The following CDH12 variants were observed in gnomAD, a reference collection of about 807,000 sequenced individuals.
CDH12 encodes cadherin-12.
CDH12 carries 41 observed loss-of-function variants against 74.1 expected under a neutral mutation model. The ratio of observed to expected loss-of-function variants is 0.55; its 90% confidence interval spans 0.43 to 0.72. The LOEUF is 0.72. Among genes scored for constraint, CDH12 ranks in the 30% least tolerant of loss-of-function variants. CDH12 has a pLI of 0.00. For missense variants in CDH12, 945 were observed against 977.2 expected (o/e 0.97, Z 0.44); for synonymous variants, 399 against 355.0 (o/e 1.12, Z -1.39).
intron 6 of CDH12, among the ~76,000 whole-genome samples, chr5:21,943,955 A>C (rs1430117814): frequency 2.0e-5 from 3 of 152,180 alleles, no homozygotes; most frequent in African/African-American, 7.2e-5. Context: ...TATAAAAAAA[A>C]TAAGAAATTA....
chr5:22,503,762 G>A lies in CDH12; in HGVS notation c.-428+1508C>T, dbSNP rs889460953. On this transcript the variant is annotated intron_variant, in intron 2 of 14. Coordinates refer to ENST00000382254, the MANE Select transcript of CDH12 (RefSeq NM_004061.5). ...AGAGTGAACCAAAGGACATTTGGGA[G>A]GAGTATGAGTCTCTTCTCATTTATC... is the stretch of plus-strand genomic sequence containing the variant. 7.2e-5 allele frequency among the ~76,000 whole-genome samples: 11 copies of A among 152,024 alleles called. No individual in the cohort carries two copies. The East Asian group carries it at 2.1e-3, about 29-fold the overall frequency.
chr5:22,712,930 T>A (rs939649342), intron 1 of CDH12, among the ~76,000 whole-genome samples: 1 of 152,076 alleles, frequency 6.6e-6, no homozygotes, highest in Non-Finnish European at 1.5e-5. Flanking sequence ...AAGTTAGTTT[T>A]AAAATTTCCA....
chr5:21,903,809 A>T (rs1179790092), intron 6 of CDH12, among the ~76,000 whole-genome samples: 3 of 152,336 alleles, frequency 2.0e-5, no homozygotes, highest in South Asian at 2.1e-4. Flanking sequence ...GTAAGGTAAG[A>T]ACACAAATAG....
rs112768021 is a variant in CDH12 at position 22,699,838 on chromosome 5, G to A, written c.-523+153220C>T. ...ATTTAATTCAAAATAGGGATAGTTC[G>A]GTGAATCATATTAATGCCTATTGCT... On this transcript the variant is annotated intron_variant, in intron 1 of 14. Transcript: ENST00000382254. 7.9e-3 allele frequency among the ~76,000 whole-genome samples: 1,195 copies of A among 152,134 alleles called. 21 individuals carry two copies. The highest frequency in any genetic ancestry group is 0.027 in the African/African-American group (1,134 of 41,498).
intron 8 of CDH12, among the ~76,000 whole-genome samples, chr5:21,824,894 C>A (rs180680978): frequency 6.6e-6 from 1 of 152,268 alleles, no homozygotes; most frequent in Admixed American, 6.5e-5. Context: ...TGGCTCAAGT[C>A]TGTAATCCCA....
At chr5:22,190,351 T>C (rs1750198307) in intron 4 of CDH12, among the ~76,000 whole-genome samples, 1 of 89,538 alleles carries the variant, frequency 1.1e-5, no homozygotes, top group East Asian at 2.4e-4. Context: ...CCTCCATCTG[T>C]CTGTCTGTCT....
chr5:21,854,886 A>C, intron 6 of CDH12, 96 bp from the exon 7 acceptor site: 1 of 1,141,084 alleles, frequency 8.8e-7, no homozygotes, highest in Non-Finnish European at 1.3e-6. Context: ...TTGGTATTTG[A>C]CCTACGTCAA....
intron 8 of CDH12, among the ~76,000 whole-genome samples, chr5:21,839,186 C>T (rs1749702986): frequency 6.6e-6 from 1 of 152,108 alleles, no homozygotes; most frequent in Non-Finnish European, 1.5e-5. Context: ...TCATATTAGT[C>T]ACACCATATA....
At chr5:22,688,541 T>A (rs1741927467) in intron 1 of CDH12, among the ~76,000 whole-genome samples, 1 of 152,202 alleles carries the variant, frequency 6.6e-6, no homozygotes, top group Non-Finnish European at 1.5e-5. Context: ...ATGGAACATT[T>A]CTATTATATT....
At chr5:22,048,637 A>G (rs530171375) in intron 5 of CDH12, among the ~76,000 whole-genome samples, 1 of 152,238 alleles carries the variant, frequency 6.6e-6, no homozygotes, top group African/African-American at 2.4e-5. Context: ...TAAAAATATC[A>G]AGTGGGGGTT....
At chr5:22,848,202 G>T (rs1397083985) in intron 1 of CDH12, among the ~76,000 whole-genome samples, 1 of 151,994 alleles carries the variant, frequency 6.6e-6, no homozygotes, top group East Asian at 1.9e-4. Flanking sequence ...AAATATGATG[G>T]CAAAACTTTC....
chr5:22,753,004 G>C (rs1053082805), intron 1 of CDH12, among the ~76,000 whole-genome samples: 1 of 152,100 alleles, frequency 6.6e-6, no homozygotes, highest in East Asian at 1.9e-4. Flanking sequence ...GAAGGGAATA[G>C]AGACGTAGGG....
intron 1 of CDH12, among the ~76,000 whole-genome samples, chr5:22,637,323 G>A (rs1171991844): frequency 6.6e-6 from 1 of 152,158 alleles, no homozygotes; most frequent in African/African-American, 2.4e-5. Flanking sequence ...GAAAACATGT[G>A]AAGAAAATTC....
At chr5:22,030,230 A>T (rs952528869) in intron 5 of CDH12, among the ~76,000 whole-genome samples, 2 of 152,094 alleles carry the variant, frequency 1.3e-5, no homozygotes, top group Non-Finnish European at 2.9e-5. Flanking sequence ...TAACCTGCAC[A>T]TTGTACACAT....
intron 1 of CDH12, among the ~76,000 whole-genome samples, chr5:22,789,123 A>G (rs1747787057): frequency 1.3e-5 from 2 of 152,090 alleles, no homozygotes; most frequent in African/African-American, 2.4e-5. Flanking sequence ...CAAAGTAGAT[A>G]GTTGCTTTGT....
chr5:22,788,554 A>G (rs539826578), intron 1 of CDH12, among the ~76,000 whole-genome samples: 1 of 148,438 alleles, frequency 6.7e-6, no homozygotes, highest in Non-Finnish European at 1.5e-5. Context: ...TATATGTGGC[A>G]TTTCAAGTAC....
At chr5:21,921,364 C>G (rs1490373575) in intron 6 of CDH12, among the ~76,000 whole-genome samples, 1 of 152,174 alleles carries the variant, frequency 6.6e-6, no homozygotes, top group Admixed American at 6.6e-5. Context: ...CCATCTGGTC[C>G]TGAAACTAAT....
intron 5 of CDH12, among the ~76,000 whole-genome samples, chr5:22,012,118 C>T (rs1351824120): frequency 7.0e-6 from 1 of 142,990 alleles, no homozygotes; most frequent in Non-Finnish European, 1.5e-5. Flanking sequence ...TAATTATTAA[C>T]GATTGATTTA....
At chr5:22,216,447 A>T (rs1329364422) in intron 3 of CDH12, among the ~76,000 whole-genome samples, 1 of 152,092 alleles carries the variant, frequency 6.6e-6, no homozygotes, top group Middle Eastern at 3.4e-3. Flanking sequence ...AGATTCAGCT[A>T]TTACCTCCCT....
Sources: allele counts gnomAD v4.1 joint callset (sites outside exome capture counted in the v4.1 genomes callset), GRCh38; gene constraint gnomAD v4.1.1; transcripts MANE v1.5; gene names NCBI Gene and HGNC (gene_info 2026-07-23, HGNC 2026-07-21).